The following GATAD2A variants were observed in gnomAD, a reference collection of about 807,000 sequenced individuals.
GATAD2A encodes transcriptional repressor p66-alpha.
GATAD2A carries 12 observed loss-of-function variants against 68.5 expected under a neutral mutation model. The ratio of observed to expected loss-of-function variants is 0.18; its 90% CI spans 0.11 to 0.28. The LOEUF (loss-of-function observed/expected upper bound fraction) is 0.28, where lower values mean the gene tolerates loss of function less well. Among genes scored for constraint, GATAD2A ranks in the 10% least tolerant of loss-of-function variants. The pLI is 1.00. For missense variants in GATAD2A, 755 were observed against 868.5 expected (o/e 0.87, Z 1.64); for synonymous variants, 410 against 375.3 (o/e 1.09, Z -1.07).
chr19:19,452,738 C>T (rs1356989163), intron 1 of GATAD2A, among the ~76,000 whole-genome samples: 1 of 152,100 alleles, frequency 6.6e-6, no homozygotes, highest in Non-Finnish European at 1.5e-5. Flanking sequence ...CCTTTAGCCA[C>T]CCACAGTAAC....
chr19:19,387,401 C>T (rs910364160), intron 1 of GATAD2A, among the ~76,000 whole-genome samples: 1 of 151,662 alleles, frequency 6.6e-6, no homozygotes, highest in Non-Finnish European at 1.5e-5. Context: ...CTCACTGTAA[C>T]CTCTGCCTCC....
chr19:19,417,173 G>GA, intron 1 of GATAD2A, among the ~76,000 whole-genome samples: 1 of 152,340 alleles, frequency 6.6e-6, no homozygotes, highest in South Asian at 2.1e-4. Context: ...ACAGTGAAGT[G>GA]ACTGGTGTAG....
chr19:19,435,345 T>G (rs1378795300), intron 1 of GATAD2A, among the ~76,000 whole-genome samples: 1 of 151,980 alleles, frequency 6.6e-6, no homozygotes, highest in Non-Finnish European at 1.5e-5. Context: ...CACCTCAGCC[T>G]CCCAAGTAGA....
rs59432787 is a variant in GATAD2A, at chr19:19,452,202, A to G, written c.-6-13138A>G. ...CCTTTGTCTGTCTTCTGCCTTTCCTACAGGGTCAGATGCTCTTACTTCATG... is the reference window on the plus strand; with the variant it reads ...CCTTTGTCTGTCTTCTGCCTTTCCTGCAGGGTCAGATGCTCTTACTTCATG... On this transcript the variant is annotated intron_variant, in intron 1 of 11. Coordinates refer to ENST00000683918, the MANE Select transcript of GATAD2A (RefSeq NM_001384528.1). Among the ~76,000 whole-genome samples the G allele has an allele frequency of 7.5e-3, 1,143 of 152,082 alleles. 16 individuals carry two copies. Among genetic ancestry groups the G allele is most frequent in the African/African-American group, 0.025 (1,053 of 41,468 alleles).
intron 1 of GATAD2A, among the ~76,000 whole-genome samples, chr19:19,407,693 G>C (rs2050439514): frequency 6.6e-6 from 1 of 152,212 alleles, no homozygotes; most frequent in African/African-American, 2.4e-5. Flanking sequence ...TGCTAGCCCT[G>C]CTTTGTTCTA....
intron 2 of GATAD2A, among the ~76,000 whole-genome samples, chr19:19,485,972 G>A (rs937112373): frequency 6.6e-6 from 1 of 152,174 alleles, no homozygotes; most frequent in African/African-American, 2.4e-5. Flanking sequence ...CTATGTGCAC[G>A]AGGGAAGCAG....
intron 1 of GATAD2A, among the ~76,000 whole-genome samples, chr19:19,386,802 G>A (rs2048464344): frequency 6.6e-6 from 1 of 151,836 alleles, no homozygotes; most frequent in African/African-American, 2.4e-5. Flanking sequence ...GAGGAATCCT[G>A]CCTTTGACAG....
intron 1 of GATAD2A, among the ~76,000 whole-genome samples, chr19:19,394,128 T>A (rs1287378248): frequency 6.6e-6 from 1 of 151,924 alleles, no homozygotes; most frequent in Non-Finnish European, 1.5e-5. Flanking sequence ...GCTCAAGCAA[T>A]CCTCCCGCCT....
chr19:19,436,334 A>AT (rs1157855239), intron 1 of GATAD2A: 1 of 513,712 alleles, frequency 1.9e-6, no homozygotes, highest in East Asian at 6.1e-5. Flanking sequence ...CCTAGAGAAG[A>AT]TGGAGGGAGG....
At chr19:19,466,773 C>A (rs1473202995) in intron 2 of GATAD2A, among the ~76,000 whole-genome samples, 1 of 152,198 alleles carries the variant, frequency 6.6e-6, no homozygotes, top group African/African-American at 2.4e-5. Flanking sequence ...TGTCTGCAGT[C>A]CCCATTCTAA....
chr19:19,503,644 C>CTGTGTGTGTGTGTGTGTGTG (rs58706182), intron 11 of GATAD2A, among the ~76,000 whole-genome samples: 1 of 148,604 alleles, frequency 6.7e-6, no homozygotes, highest in Admixed American at 6.7e-5. Context: ...CATCTGGAAG[C>CTGTGTGTGTGTGTGTGTGTG]TGTGTGTGTG....
intron 2 of GATAD2A, among the ~76,000 whole-genome samples, chr19:19,486,804 T>A (rs2059466911): frequency 6.6e-6 from 1 of 152,150 alleles, no homozygotes; most frequent in African/African-American, 2.4e-5. Flanking sequence ...AGCACTGAAG[T>A]CTCACCTCAC....
Position 19,496,810 on chromosome 19 carries a change from G to A in GATAD2A, c.924+591G>A, listed in dbSNP as rs139262137. ...AGGGGCGGGTGGGCTGGAAACAGGC[G>A]CCTTGGCTGACAGATAAAATTACCA... On this transcript the variant is annotated intron_variant, in intron 7 of 11. Transcript: ENST00000683918. 2.0e-3 allele frequency among the ~76,000 whole-genome samples: 300 copies of A among 152,330 alleles called. 1 individual carries two copies. The highest frequency in any genetic ancestry group is 3.3e-3 in the Non-Finnish European group (224 of 68,032).
At chr19:19,477,876 C>T (rs1295075024) in intron 2 of GATAD2A, among the ~76,000 whole-genome samples, 2 of 152,202 alleles carry the variant, frequency 1.3e-5, no homozygotes, top group East Asian at 1.9e-4. Flanking sequence ...TCCTGGGTGA[C>T]CTGGCCAGCC....
At position 19,453,001 on chromosome 19, in the gene GATAD2A, G is replaced by A. The variant is rs953667613; in HGVS notation, c.-6-12339G>A. Among the ~76,000 whole-genome samples the A allele has an allele frequency of 1.2e-4, 18 of 152,170 alleles. 1 individual carries two copies. The highest frequency in any genetic ancestry group is 1.0e-4 in the Non-Finnish European group (7 of 68,040). ...AGGTGATGGCCAGTCCTGGTTACCC[G>A]GGAAGCCCGTGCCCTGTGACTCCCT... On this transcript the variant is annotated intron_variant, in intron 1 of 11. Transcript: ENST00000683918.
chr19:19,477,304 C>T (rs980748425), intron 2 of GATAD2A, among the ~76,000 whole-genome samples: 5 of 152,048 alleles, frequency 3.3e-5, no homozygotes, highest in Admixed American at 2.0e-4. Flanking sequence ...CATAGGACTG[C>T]GGATTTTTAG....
At chr19:19,445,808 A>G (rs185236162) in intron 1 of GATAD2A, among the ~76,000 whole-genome samples, 2 of 152,354 alleles carry the variant, frequency 1.3e-5, no homozygotes, top group Admixed American at 1.3e-4. Flanking sequence ...TTGTTTATCC[A>G]TTCATCCATT....
intron 1 of GATAD2A, among the ~76,000 whole-genome samples, chr19:19,417,329 C>A (rs2051771680): frequency 6.6e-6 from 1 of 152,196 alleles, no homozygotes; most frequent in Non-Finnish European, 1.5e-5. Context: ...TCATCTTACT[C>A]CAGTGTCTTC....
At chr19:19,474,823 A>C (rs2058559861) in intron 2 of GATAD2A, among the ~76,000 whole-genome samples, 2 of 152,204 alleles carry the variant, frequency 1.3e-5, no homozygotes, top group South Asian at 4.1e-4. Flanking sequence ...GCAGTCCAGC[A>C]TACCGTCTTC....
Sources: gnomAD v4.1 joint callset for allele counts (sites outside exome capture counted in the v4.1 genomes callset) on GRCh38, gnomAD v4.1.1 for gene constraint, MANE v1.5 for transcripts, NCBI Gene and HGNC (gene_info 2026-07-23, HGNC 2026-07-21) for gene names.